ARHGEF16: variants seen among roughly 807,000 people sequenced by gnomAD.
ARHGEF16 encodes Rho guanine nucleotide exchange factor 16.
ARHGEF16 carries 59 observed loss-of-function variants against 74.1 expected under a neutral mutation model. The ratio of observed to expected loss-of-function variants is 0.80; its 90% CI spans 0.65 to 0.99. The LOEUF (loss-of-function observed/expected upper bound fraction) is 0.99. Ranked by LOEUF, ARHGEF16 falls within the 50% of genes least tolerant of loss-of-function variation. The pLI, the probability that ARHGEF16 is intolerant of heterozygous loss-of-function variation, is 0.00. For synonymous variants in ARHGEF16, 415 were observed against 412.6 expected, an observed-to-expected ratio of 1.01 and a Z score of -0.07; for missense variants, 948 against 986.6, an observed-to-expected ratio of 0.96 and a Z score of 0.52.
intron 3 of ARHGEF16, among the ~76,000 whole-genome samples, chr1:3,466,613 G>C (rs2248943): frequency 6.6e-6 from 1 of 152,176 alleles, no homozygotes; most frequent in African/African-American, 2.4e-5. Flanking sequence ...GGTGGCGGTG[G>C]TGCACACTCA....
intron 1 of ARHGEF16, among the ~76,000 whole-genome samples, chr1:3,461,105 G>A (rs775272830): frequency 6.6e-6 from 1 of 152,204 alleles, no homozygotes; most frequent in African/African-American, 2.4e-5. Flanking sequence ...AAGAGACTCC[G>A]GTCATTTTCA....
At chr1:3,471,744 G>C in intron 6 of ARHGEF16, 1 of 1,202,686 alleles carries the variant, frequency 8.3e-7, no homozygotes. Flanking sequence ...GCCCCCGACA[G>C]CTCCTGGCAT....
At chr1:3,471,369 G>A (rs1389181312) in intron 6 of ARHGEF16, among the ~76,000 whole-genome samples, 3 of 152,036 alleles carry the variant, frequency 2.0e-5, no homozygotes, top group Admixed American at 6.5e-5. Flanking sequence ...TATCAGCCCC[G>A]CCCCTGGCGA....
chr1:3,468,442 G>A lies in ARHGEF16; in HGVS notation c.805-438G>A, dbSNP rs543786346. 12 of 193,808 alleles carry A rather than the reference G, an allele frequency of 6.2e-5. No individual in the cohort carries two copies. In the East Asian group the frequency reaches 1.4e-3, roughly 23 times the overall value. 12.0% of individuals were successfully genotyped at this position (193,808 alleles called of 1,614,324 possible). ...GCCCCGAGGAGGAGGGAGCCCGGGC[G>A]GAAACAGCGTCACCCATAGCTTCCA... On this transcript the variant is annotated intron_variant, in intron 4 of 14. Coordinates refer to ENST00000378378, the MANE Select transcript of ARHGEF16 (RefSeq NM_014448.4).
chr1:3,479,960 G>A (rs766295563), intron 14 of ARHGEF16, 47 bp downstream of exon 14: 13 of 1,586,076 alleles, frequency 8.2e-6, no homozygotes, highest in Non-Finnish European at 1.0e-5. Flanking sequence ...CGGACAGGCG[G>A]GCGTGAGTCA....
intron 12 of ARHGEF16, 99 bp from the exon 13 acceptor site, chr1:3,479,418 T>A: frequency 7.0e-5 from 87 of 1,251,032 alleles, no homozygotes; most frequent in East Asian, 1.3e-4. Context: ...CACCCCCATC[T>A]CCTTGCCACG....
chr1:3,466,025 A>T, intron 2 of ARHGEF16, 123 bp from the exon 3 acceptor site: 1 of 1,066,244 alleles, frequency 9.4e-7, no homozygotes, highest in African/African-American at 1.6e-5. Context: ...TGTGGAGCTG[A>T]CATCTATTGG....
chr1:3,468,197 C>A (rs192224528), intron 4 of ARHGEF16, among the ~76,000 whole-genome samples: 4 of 152,184 alleles, frequency 2.6e-5, no homozygotes, highest in Non-Finnish European at 5.9e-5. Flanking sequence ...GAGTTTCCGA[C>A]CCTGCATGGG....
intron 3 of ARHGEF16, chr1:3,466,896 C>T (rs970793543): frequency 2.7e-6 from 1 of 377,048 alleles, no homozygotes; most frequent in Non-Finnish European, 4.8e-6. Flanking sequence ...GAGGCAGCAG[C>T]GATGCCCCAC....
chr1:3,454,845 G>A (rs142378881), intron 1 of ARHGEF16, 34 bp downstream of exon 1: 10,175 of 152,230 alleles, frequency 0.067, 569 homozygotes, highest in East Asian at 0.21. Flanking sequence ...CGGGGGACAG[G>A]TGAGTCGGGG....
chr1:3,468,953 C>A lies in ARHGEF16; in HGVS notation c.861+17C>A. ...AGGCAGGAGGTAAAAGGGCCCTGGG[C>A]GGGAGGGCTGTCCCCCATGGCCTGG... On this transcript the variant is annotated intron_variant, in intron 5 of 14. Transcript: ENST00000378378. 6.5e-7 allele frequency: 1 copy of A among 1,549,370 alleles called. No individual in the cohort carries two copies. The highest frequency in any genetic ancestry group is 8.7e-7 in the Non-Finnish European group (1 of 1,146,690).
In ARHGEF16 at chr1:3,480,765, TC is replaced by T; in HGVS notation, c.*182del. On this transcript the variant is annotated 3_prime_UTR_variant, in exon 15 of 15. Transcript: ENST00000378378. ...CACTTCACGGAAGGAAGATCACATGTCCCCAGAGAGGCACCCCCAGGCAAGC... is the reference window on the plus strand; with the variant it reads ...CACTTCACGGAAGGAAGATCACATGTCCCAGAGAGGCACCCCCAGGCAAGC... The T allele has an allele frequency of 1.1e-6, 1 of 905,120 alleles. No homozygotes were observed. Among genetic ancestry groups the T allele is most frequent in the Non-Finnish European group, 1.6e-6 (1 of 619,100 alleles). The allele number at this position is 905,120 out of a possible 1,614,324, so 56.1% of individuals were successfully genotyped here.
chr1:3,461,987 G>A (rs1180982567), intron 1 of ARHGEF16, among the ~76,000 whole-genome samples: 1 of 152,184 alleles, frequency 6.6e-6, no homozygotes, highest in Non-Finnish European at 1.5e-5. Flanking sequence ...AGTGAGAAAT[G>A]GGAAGCAGTA....
chr1:3,471,040 G>GCAGGGATGTGTGTGTGCATGGA lies in ARHGEF16; in HGVS notation c.1022+1452_1022+1473dup, dbSNP rs1482679578. Among the ~76,000 whole-genome samples, 88 of 148,824 alleles carry GCAGGGATGTGTGTGTGCATGGA rather than the reference G, an allele frequency of 5.9e-4. No individual in the cohort carries two copies. The Middle Eastern group carries it at 0.015, about 25-fold the overall frequency. ...CCTGGCCAGGGGTGTGTGTGCGTGG[G>GCAGGGATGTGTGTGTGCATGGA]CAGGGATGTGTGTGTGCATGGACAG... On this transcript the variant is annotated intron_variant, in intron 6 of 14. Coordinates refer to ENST00000378378, the MANE Select transcript of ARHGEF16 (RefSeq NM_014448.4).
At chr1:3,478,249 C>G (rs1014451386) in intron 11 of ARHGEF16, 175 bp from the exon 12 acceptor site, 1 of 916,552 alleles carries the variant, frequency 1.1e-6, no homozygotes, top group Non-Finnish European at 1.7e-6. Context: ...GTGATAGCCA[C>G]GAGGAGGACT....
At chr1:3,479,414 CAT>C in intron 12 of ARHGEF16, 101 bp from the exon 13 acceptor site, 3 of 1,166,650 alleles carry the variant, frequency 2.6e-6, no homozygotes, top group Non-Finnish European at 3.7e-6. Context: ...CCACCACCCC[CAT>C]CTCCTTGCCA....
intron 6 of ARHGEF16, 31 bp downstream of exon 6, chr1:3,469,624 G>A (rs537375220): frequency 8.1e-6 from 13 of 1,610,760 alleles, no homozygotes; most frequent in African/African-American, 5.3e-5. Context: ...TCCACACAGG[G>A]TCCTCTGCCA....
chr1:3,468,808 G>A (rs1639621566), intron 4 of ARHGEF16, 72 bp from the exon 5 acceptor site: 12 of 1,526,312 alleles, frequency 7.9e-6, no homozygotes, highest in Non-Finnish European at 1.1e-5. Flanking sequence ...ATCAGGAGGA[G>A]GAAAGAAGGG....
chr1:3,473,506 T>G lies in ARHGEF16; in HGVS notation c.1289T>G (p.Leu430Arg). 1 of 1,609,624 alleles carries G rather than the reference T, an allele frequency of 6.2e-7. No homozygotes were observed. Among genetic ancestry groups the G allele is most frequent in the Non-Finnish European group, 8.5e-7 (1 of 1,179,990 alleles). Residue 430 changes from leucine (L) to arginine (R), a missense_variant, in exon 8 of 15, where the codon CTG (leucine) becomes CGG (arginine). Coordinates refer to ENST00000378378, the MANE Select transcript of ARHGEF16 (RefSeq NM_014448.4). The part of the protein sequence containing the change: ...LILPMQRVTR[L>R]PLLMDTLCLK... ...CTCCCCATGCAGCGGGTGACCCGGCTGCCCCTCCTGATGGATGTAAGTCCA... is the reference window on the plus strand; with the variant it reads ...CTCCCCATGCAGCGGGTGACCCGGCGGCCCCTCCTGATGGATGTAAGTCCA...
Sources: gnomAD v4.1 joint callset for allele counts (sites outside exome capture counted in the v4.1 genomes callset) on GRCh38, gnomAD v4.1.1 for gene constraint, MANE v1.5 for transcripts, NCBI Gene and HGNC (gene_info 2026-07-23, HGNC 2026-07-21) for gene names.